The following ANXA3 variants were observed in gnomAD, a reference collection of about 807,000 sequenced individuals.
ANXA3 encodes the protein annexin A3, also known as 35-alpha calcimedin.
A neutral mutation model predicts 48.8 loss-of-function variants in ANXA3; 46 were observed. The observed-to-expected ratio is 0.94, with a 90% CI of 0.74 to 1.21. ANXA3 has a LOEUF of 1.21. Among genes scored for constraint, ANXA3 ranks in the 50% most tolerant of loss-of-function variants. ANXA3 has a pLI of 0.00. For synonymous variants in ANXA3, 128 were observed against 134.7 expected, an observed-to-expected ratio of 0.95 and a Z score of 0.35; for missense variants, 383 against 378.6, an observed-to-expected ratio of 1.01 and a Z score of -0.10.
chr4:78,578,874 A>AATAC (rs1173870544), intron 3 of ANXA3, among the ~76,000 whole-genome samples, 153 bp from the exon 4 acceptor site: 5 of 151,878 alleles, frequency 3.3e-5, no homozygotes, highest in Admixed American at 6.6e-5. Flanking sequence ...TAAATAAATA[A>AATAC]ATAAATAAAT....
At chr4:78,597,975 G>A (rs1183756509) in intron 10 of ANXA3, among the ~76,000 whole-genome samples, 1 of 152,142 alleles carries the variant, frequency 6.6e-6, no homozygotes, top group Non-Finnish European at 1.5e-5. Flanking sequence ...TGTTTAGCTT[G>A]TAGACTTCTT....
At chr4:78,555,346 A>G (rs1043421126) in intron 2 of ANXA3, among the ~76,000 whole-genome samples, 2 of 152,266 alleles carry the variant, frequency 1.3e-5, no homozygotes, top group Non-Finnish European at 2.9e-5. Context: ...GTTTATCACT[A>G]TGACAGCCAA....
chr4:78,555,053 A>G (rs1001110443), intron 2 of ANXA3, among the ~76,000 whole-genome samples: 1 of 152,160 alleles, frequency 6.6e-6, no homozygotes, highest in Non-Finnish European at 1.5e-5. Flanking sequence ...TAGAAATACA[A>G]AAATAGCCCG....
intron 4 of ANXA3, among the ~76,000 whole-genome samples, chr4:78,581,812 A>T (rs1723074882): frequency 6.6e-6 from 1 of 152,120 alleles, no homozygotes; most frequent in South Asian, 2.1e-4. Context: ...CGAGGAAGAG[A>T]GCACCTCCCA....
intron 8 of ANXA3, 120 bp from the exon 9 acceptor site, chr4:78,595,674 A>C (rs1438625522): frequency 2.6e-6 from 2 of 764,804 alleles, no homozygotes; most frequent in Non-Finnish European, 2.1e-6. Flanking sequence ...AGTCTTCTGA[A>C]AGTGAGAGAT....
intron 2 of ANXA3, among the ~76,000 whole-genome samples, chr4:78,556,766 T>A (rs970937979): frequency 9.4e-5 from 14 of 148,492 alleles, no homozygotes; most frequent in African/African-American, 3.5e-4. Flanking sequence ...ATGCTGGTGT[T>A]AAAAAAAAAA....
chr4:78,589,008 C>T (rs1240004487), intron 6 of ANXA3, among the ~76,000 whole-genome samples: 4 of 152,196 alleles, frequency 2.6e-5, no homozygotes, highest in Admixed American at 2.6e-4. Context: ...AGAGCCACTG[C>T]TCCCCAAGTG....
chr4:78,597,071 G>T, intron 9 of ANXA3: 1 of 364,400 alleles, frequency 2.7e-6, no homozygotes, highest in Non-Finnish European at 4.9e-6. Context: ...CTTACTGCTT[G>T]AGAGAAGGGG....
rs1040398990 is a variant in ANXA3, at chr4:78,586,290, G to A, written c.343G>A (p.Glu115Lys). The A allele has an allele frequency of 6.2e-7, 1 of 1,613,628 alleles. No homozygotes were observed. The highest frequency in any genetic ancestry group is 8.5e-7 in the Non-Finnish European group (1 of 1,179,760). Residue 115 changes from glutamate (E) to lysine (K), a missense_variant, in exon 6 of 13, where the codon GAA (glutamate) becomes AAA (lysine). Physicochemically the swap from Glu to Lys is moderately conservative, Grantham distance 56. Coordinates refer to ENST00000264908, the MANE Select transcript of ANXA3 (RefSeq NM_005139.3). Reference protein sequence around the residue: ...GAGTNEDALIEILTTRTSRQM... With the variant: ...GAGTNEDALIKILTTRTSRQM... Reference sequence around the variant, plus strand: ...GGGAACAAACGAAGATGCCTTGATTGAAATCTTAACTACCAGGACAAGCAG... The same window carrying A: ...GGGAACAAACGAAGATGCCTTGATTAAAATCTTAACTACCAGGACAAGCAG...
chr4:78,591,469 A>T, intron 6 of ANXA3, 75 bp from the exon 7 acceptor site: 2 of 999,658 alleles, frequency 2.0e-6, no homozygotes. Context: ...TAGTGTTGGC[A>T]TTTAAACTTT....
intron 2 of ANXA3, among the ~76,000 whole-genome samples, chr4:78,562,965 C>A (rs182263859): frequency 6.6e-6 from 1 of 152,172 alleles, no homozygotes; most frequent in East Asian, 1.9e-4. Context: ...AACAGGGATA[C>A]AAGATTACAA....
intron 5 of ANXA3, among the ~76,000 whole-genome samples, chr4:78,583,740 C>T (rs945331610): frequency 1.3e-5 from 2 of 152,128 alleles, no homozygotes; most frequent in Non-Finnish European, 2.9e-5. Context: ...CTCTTGGGCA[C>T]AAGCTGAAGC....
chr4:78,593,006 T>C (rs888675884), intron 7 of ANXA3, among the ~76,000 whole-genome samples: 1 of 152,158 alleles, frequency 6.6e-6, no homozygotes, highest in Non-Finnish European at 1.5e-5. Context: ...TGTAGCTAAA[T>C]GTTTCATTCA....
At chr4:78,591,169 A>G (rs1723287031) in intron 6 of ANXA3, among the ~76,000 whole-genome samples, 1 of 152,244 alleles carries the variant, frequency 6.6e-6, no homozygotes, top group South Asian at 2.1e-4. Flanking sequence ...TGTACATTAT[A>G]TCTTGCTTAA....
Position 78,586,265 on chromosome 4 carries a change from G to T in ANXA3, c.318G>T (p.Ala106=), listed in dbSNP as rs17003370. The stretch of plus-strand genomic sequence containing the variant: ...GATTTTCTTTTCCTTTTTAGGGCGC[G>T]GGAACAAACGAAGATGCCTTGATTG... ...AKQLKKSMKG[A]GTNEDALIEI... Residue 106 remains alanine, a synonymous_variant, in exon 6 of 13, where the codon GCG becomes GCT. Coordinates refer to ENST00000264908, the MANE Select transcript of ANXA3 (RefSeq NM_005139.3). 20,761 of 1,612,722 alleles carry T rather than the reference G, an allele frequency of 0.013. 961 individuals are homozygous for T. In the African/African-American group the frequency reaches 0.15, roughly 12 times the overall value.
At chr4:78,562,020 A>G (rs921596969) in intron 2 of ANXA3, among the ~76,000 whole-genome samples, 2 of 152,212 alleles carry the variant, frequency 1.3e-5, no homozygotes, top group African/African-American at 2.4e-5. Flanking sequence ...TGTTAGCCCA[A>G]CTGTGAAGGA....
In ANXA3 at chr4:78,563,324, G is replaced by T. The variant is rs1722661622; in HGVS notation, c.15+8836G>T. The stretch of plus-strand genomic sequence containing the variant: ...TTCTCATCCTCATAGGAGTGAGGTG[G>T]ATAGAGTAAGTGTCCCCAAATCCTG... On this transcript the variant is annotated intron_variant, in intron 2 of 12. Coordinates refer to ENST00000264908, the MANE Select transcript of ANXA3 (RefSeq NM_005139.3). Among the ~76,000 whole-genome samples the T allele has an allele frequency of 2.0e-5, 3 of 152,110 alleles. No homozygotes were observed. In the South Asian group the frequency reaches 6.2e-4, roughly 32 times the overall value.
chr4:78,557,905 A>C (rs1722549810), intron 2 of ANXA3, among the ~76,000 whole-genome samples: 1 of 152,234 alleles, frequency 6.6e-6, no homozygotes, highest in Admixed American at 6.5e-5. Flanking sequence ...GATCTTAAAG[A>C]AAGGTATCTA....
At chr4:78,605,104 G>C (rs917691528) in intron 12 of ANXA3, among the ~76,000 whole-genome samples, 2 of 152,226 alleles carry the variant, frequency 1.3e-5, no homozygotes, top group Admixed American at 6.5e-5. Flanking sequence ...CTTTGGCACA[G>C]AGGGTATTTT....
Sources: gnomAD v4.1 joint callset for allele counts (sites outside exome capture counted in the v4.1 genomes callset) on GRCh38, gnomAD v4.1.1 for gene constraint, MANE v1.5 for transcripts, NCBI Gene and HGNC (gene_info 2026-07-23, HGNC 2026-07-21) for gene names.